The following CSMD1 variants were observed in gnomAD, a reference collection of about 807,000 sequenced individuals.
CSMD1 encodes CUB and sushi domain-containing protein 1.
A neutral mutation model predicts 417.5 loss-of-function variants in CSMD1; 213 were observed. The ratio of observed to expected loss-of-function variants is 0.51; its 90% confidence interval spans 0.46 to 0.57. CSMD1 has a LOEUF of 0.57. CSMD1 is among the 20% of genes least tolerant of loss of function. CSMD1 has a pLI of 0.00. For synonymous variants in CSMD1, 2,862 were observed against 1,736.8 expected, an observed-to-expected ratio of 1.65 and a Z score of -16.11; for missense variants, 6,923 against 4,529.7, an observed-to-expected ratio of 1.53 and a Z score of -15.17.
At chr8:3,422,367 C>T (rs532589356) in intron 12 of CSMD1, among the ~76,000 whole-genome samples, 1 of 152,082 alleles carries the variant, frequency 6.6e-6, no homozygotes, top group Admixed American at 6.6e-5. Flanking sequence ...AAAGAGGAAC[C>T]AAGAATCTTG....
intron 51 of CSMD1, among the ~76,000 whole-genome samples, chr8:3,025,444 TGTG>T (rs763371221): frequency 8.3e-4 from 126 of 152,054 alleles, no homozygotes; most frequent in African/African-American, 2.8e-3. Context: ...CCGTGTATTG[TGTG>T]GTGTTCTTCT....
intron 1 of CSMD1, among the ~76,000 whole-genome samples, chr8:4,752,066 CAT>C (rs1175216267): frequency 5.4e-5 from 8 of 147,076 alleles, no homozygotes; most frequent in African/African-American, 7.3e-5. Context: ...AATACAAAAA[CAT>C]ATGTATATTC....
In CSMD1 at chr8:4,420,552, A is replaced by G. The variant is rs79407508; in HGVS notation, c.303-487T>C. On this transcript the variant is annotated intron_variant, in intron 2 of 69. Coordinates refer to ENST00000635120, the MANE Select transcript of CSMD1 (RefSeq NM_033225.6). ...TTTTAATTTTTTTCTAATAAAAAAT[A>G]TGACAGGTAAAGCATGTGAATGTGT... Among the ~76,000 whole-genome samples, 725 of 152,266 alleles carry G rather than the reference A, an allele frequency of 4.8e-3. 6 individuals are homozygous for G. The highest frequency in any genetic ancestry group is 0.017 in the African/African-American group (698 of 41,544).
In CSMD1 at chr8:4,714,568, C is replaced by G. The variant is rs1055198024; in HGVS notation, c.86-77010G>C. 1.2e-4 allele frequency among the ~76,000 whole-genome samples: 19 copies of G among 152,126 alleles called. No homozygotes were observed. The East Asian group carries it at 3.5e-3, about 28-fold the overall frequency. Reference sequence around the variant, plus strand: ...GGCCCAAAGAGAAGTCGGAACTTTCCCAAGTTCATAGGGTTATTGAATAAC... The same window carrying G: ...GGCCCAAAGAGAAGTCGGAACTTTCGCAAGTTCATAGGGTTATTGAATAAC... On this transcript the variant is annotated intron_variant, in intron 1 of 69. Coordinates refer to ENST00000635120, the MANE Select transcript of CSMD1 (RefSeq NM_033225.6).
At chr8:2,990,608 C>CA (rs1441459620) in intron 54 of CSMD1, among the ~76,000 whole-genome samples, 3 of 152,166 alleles carry the variant, frequency 2.0e-5, no homozygotes, top group African/African-American at 7.2e-5. Context: ...AGGTTTTGAG[C>CA]AAGAAACTAG....
At chr8:4,911,151 ATG>A (rs1805644757) in intron 1 of CSMD1, among the ~76,000 whole-genome samples, 1 of 152,170 alleles carries the variant, frequency 6.6e-6, no homozygotes, top group Non-Finnish European at 1.5e-5. Flanking sequence ...AGTCTTGGGT[ATG>A]TCTTTATCAG....
intron 1 of CSMD1, among the ~76,000 whole-genome samples, chr8:4,894,004 G>A (rs1034421470): frequency 6.6e-6 from 1 of 151,930 alleles, no homozygotes; most frequent in East Asian, 1.9e-4. Flanking sequence ...CATCTGTTAT[G>A]TATAGATACC....
chr8:4,964,211 A>C (rs555366745), intron 1 of CSMD1, among the ~76,000 whole-genome samples: 1 of 152,180 alleles, frequency 6.6e-6, no homozygotes, highest in South Asian at 2.1e-4. Flanking sequence ...TTAGAGCAAA[A>C]TGAATGAATG....
intron 47 of CSMD1, 109 bp downstream of exon 47, chr8:3,096,740 A>G (rs1476527606): frequency 7.6e-6 from 6 of 790,502 alleles, no homozygotes; most frequent in Admixed American, 3.0e-5. Context: ...TTGGGAAAAC[A>G]TAAGTTAACT....
chr8:4,723,232 G>C (rs965318140), intron 1 of CSMD1, among the ~76,000 whole-genome samples: 2 of 152,222 alleles, frequency 1.3e-5, no homozygotes, highest in East Asian at 1.9e-4. Flanking sequence ...TCCTTTTAAA[G>C]ACATTTCAGG....
At chr8:3,651,131 A>C (rs1173568047) in intron 7 of CSMD1, among the ~76,000 whole-genome samples, 1 of 152,226 alleles carries the variant, frequency 6.6e-6, no homozygotes, top group African/African-American at 2.4e-5. Context: ...TGTCTTGATT[A>C]CAGCAGTAGC....
chr8:3,307,195 G>T (rs1332737896), intron 25 of CSMD1, among the ~76,000 whole-genome samples: 1 of 152,150 alleles, frequency 6.6e-6, no homozygotes, highest in Non-Finnish European at 1.5e-5. Flanking sequence ...CTTAGCAAGT[G>T]TAATGTAAGC....
chr8:2,966,900 A>T (rs1182253046), intron 57 of CSMD1, among the ~76,000 whole-genome samples, 154 bp from the exon 58 acceptor site: 1 of 152,222 alleles, frequency 6.6e-6, no homozygotes, highest in African/African-American at 2.4e-5. Flanking sequence ...CATATGGCTT[A>T]CTATGGCTCA....
chr8:4,658,358 A>G lies in CSMD1; in HGVS notation c.86-20800T>C, dbSNP rs189203855. On this transcript the variant is annotated intron_variant, in intron 1 of 69. Transcript: ENST00000635120. ...TGAATTTTAAAGATGGCAAGACAGA[A>G]GTAACTTATTATACACAACAGATCC... 3.9e-4 allele frequency among the ~76,000 whole-genome samples: 59 copies of G among 152,244 alleles called. No individual in the cohort carries two copies. The East Asian group carries it at 0.01, about 26-fold the overall frequency.
At chr8:3,933,959 C>G (rs1810317384) in intron 5 of CSMD1, among the ~76,000 whole-genome samples, 1 of 152,070 alleles carries the variant, frequency 6.6e-6, no homozygotes, top group Non-Finnish European at 1.5e-5. Context: ...TAGGCAGGGA[C>G]CACACAGTCG....
At chr8:4,398,025 C>G (rs1804375570) in intron 3 of CSMD1, among the ~76,000 whole-genome samples, 1 of 152,288 alleles carries the variant, frequency 6.6e-6, no homozygotes, top group South Asian at 2.1e-4. Flanking sequence ...ATACTGGTAT[C>G]AATTTCTAAC....
chr8:4,812,769 G>A (rs1179770705), intron 1 of CSMD1, among the ~76,000 whole-genome samples: 1 of 152,150 alleles, frequency 6.6e-6, no homozygotes, highest in Non-Finnish European at 1.5e-5. Flanking sequence ...TTGAGTTTGT[G>A]TTCTCATGCA....
At chr8:3,976,397 G>A (rs1400724433) in intron 5 of CSMD1, among the ~76,000 whole-genome samples, 2 of 152,174 alleles carry the variant, frequency 1.3e-5, no homozygotes, top group Non-Finnish European at 2.9e-5. Flanking sequence ...TCAAGTTGCT[G>A]CTTCTTCTAC....
chr8:3,692,562 G>A (rs1800310590), intron 7 of CSMD1, among the ~76,000 whole-genome samples: 1 of 151,946 alleles, frequency 6.6e-6, no homozygotes, highest in Non-Finnish European at 1.5e-5. Context: ...AGCCTCCCGA[G>A]CATCTGGGAT....
Sources: gnomAD v4.1 joint callset for allele counts (sites outside exome capture counted in the v4.1 genomes callset) on GRCh38, gnomAD v4.1.1 for gene constraint, MANE v1.5 for transcripts, NCBI Gene and HGNC (gene_info 2026-07-23, HGNC 2026-07-21) for gene names.